Variants in SV2C observed in about 807,000 individuals in gnomAD.
SV2C encodes solute carrier family 22 member B3.
Under a neutral mutation model 79.7 loss-of-function variants are expected in SV2C, and 49 were observed. The observed-to-expected ratio is 0.61, with a 90% CI of 0.49 to 0.78. The LOEUF (loss-of-function observed/expected upper bound fraction) is 0.78, where lower values mean the gene tolerates loss of function less well. SV2C is among the 30% of genes least tolerant of loss of function. SV2C has a pLI of 0.00. For missense variants in SV2C, 833 were observed against 912.9 expected, an observed-to-expected ratio of 0.91 and a Z score of 1.13; for synonymous variants, 334 against 333.2, an observed-to-expected ratio of 1.00 and a Z score of -0.03.
At position 76,291,327 on chromosome 5, in the gene SV2C, A is replaced by G; in HGVS notation, c.1244A>G (p.Tyr415Cys). Reference protein sequence around the residue: ...RCFVRIRTELYGIWLTFMRCF... With the variant: ...RCFVRIRTELCGIWLTFMRCF... ...TTTGTTCGGATCCGCACCGAGCTGT[A>G]CGGAGTAAGTAACAAGTCCCATGAT... Residue 415 changes from tyrosine to cysteine, a missense_variant, in exon 7 of 13, where the codon TAC becomes TGC. Physicochemically the swap from Tyr to Cys is radical, Grantham distance 194. Transcript: ENST00000502798. 1.3e-6 allele frequency: 2 copies of G among 1,596,048 alleles called. No homozygotes were observed. Among genetic ancestry groups the G allele is most frequent in the Non-Finnish European group, 1.7e-6 (2 of 1,173,386 alleles).
chr5:75,863,704 A>G, the SV2C span, among the ~76,000 whole-genome samples: 5 of 152,170 alleles, frequency 3.3e-5, no homozygotes. Flanking sequence ...GCTTTGTGAC[A>G]TTAATTGCCT....
At chr5:76,179,955 ACTT>A (rs1418139023) in intron 2 of SV2C, among the ~76,000 whole-genome samples, 4 of 151,572 alleles carry the variant, frequency 2.6e-5, no homozygotes, top group African/African-American at 7.3e-5. Context: ...CAGAAAAAAA[ACTT>A]ACAGATAATT....
In SV2C at chr5:76,105,670, A is replaced by T. The variant is rs374256694; in HGVS notation, c.-102+22158A>T. On this transcript the variant is annotated intron_variant, in intron 1 of 12. Coordinates refer to ENST00000502798, the MANE Select transcript of SV2C (RefSeq NM_014979.4). ...TTTTTGTGACCTTGCTAACAACTTC[A>T]TACTTAATAATTATTTACATTAAAT... 1.4e-4 allele frequency among the ~76,000 whole-genome samples: 22 copies of T among 152,272 alleles called. No individual in the cohort carries two copies. In the East Asian group the frequency reaches 3.5e-3, roughly 24 times the overall value.
At chr5:75,911,434 A>G in the SV2C span, 1 of 998,680 alleles carries the variant, frequency 1.0e-6, no homozygotes, top group Non-Finnish European at 1.5e-6. Flanking sequence ...TCCTCCACCC[A>G]GAGCCACTCC....
At chr5:75,988,134 C>T in the SV2C span, among the ~76,000 whole-genome samples, 1 of 151,972 alleles carries the variant, frequency 6.6e-6, no homozygotes, top group Non-Finnish European at 1.5e-5. Context: ...CACACACACA[C>T]ATATACATTT....
the SV2C span, among the ~76,000 whole-genome samples, chr5:75,969,475 G>A: frequency 2.6e-5 from 4 of 152,142 alleles, no homozygotes; most frequent in African/African-American, 9.7e-5. Flanking sequence ...AGGGATGGAG[G>A]AAGATCTACC....
chr5:76,199,525 T>C (rs913238971), intron 3 of SV2C, among the ~76,000 whole-genome samples: 4 of 152,178 alleles, frequency 2.6e-5, no homozygotes, highest in Non-Finnish European at 4.4e-5. Context: ...CACTTACAAC[T>C]GATGCCTGAA....
the SV2C span, among the ~76,000 whole-genome samples, chr5:75,944,694 A>G: frequency 2.0e-4 from 31 of 152,302 alleles, no homozygotes; most frequent in Admixed American, 5.2e-4. Context: ...GCAAGTGCTG[A>G]CAGAAGAACT....
At chr5:75,953,828 A>T in the SV2C span, among the ~76,000 whole-genome samples, 1 of 151,884 alleles carries the variant, frequency 6.6e-6, no homozygotes, top group Non-Finnish European at 1.5e-5. Flanking sequence ...TGTCTACAAA[A>T]TGTACCTTTT....
At chr5:76,153,442 G>A (rs1208603720) in intron 2 of SV2C, among the ~76,000 whole-genome samples, 1 of 152,124 alleles carries the variant, frequency 6.6e-6, no homozygotes, top group Admixed American at 6.5e-5. Context: ...TTGGTGCTTG[G>A]TTGTCTGTGT....
intron 4 of SV2C, among the ~76,000 whole-genome samples, chr5:76,275,441 C>T (rs1007058523): frequency 6.6e-6 from 1 of 151,028 alleles, no homozygotes; most frequent in Non-Finnish European, 1.5e-5. Context: ...GAGCCAAGAT[C>T]GTGCCACTGC....
the SV2C span, among the ~76,000 whole-genome samples, chr5:76,009,030 G>A: frequency 6.6e-6 from 1 of 152,034 alleles, no homozygotes. Context: ...TTACTCAAAT[G>A]TTGCCTGCTC....
chr5:76,338,144 A>T (rs925736123), downstream of SV2C, among the ~76,000 whole-genome samples: 17 of 152,222 alleles, frequency 1.1e-4, no homozygotes, highest in Non-Finnish European at 2.4e-4. Flanking sequence ...ACAAAAGGAG[A>T]CACATTCTTG....
intron 3 of SV2C, among the ~76,000 whole-genome samples, chr5:76,208,951 AT>A (rs1744689246): frequency 6.6e-6 from 1 of 152,136 alleles, no homozygotes. Context: ...CACTATTTTG[AT>A]TCCATAAACC....
chr5:76,039,222 G>T, the SV2C span, among the ~76,000 whole-genome samples: 1 of 152,170 alleles, frequency 6.6e-6, no homozygotes, highest in African/African-American at 2.4e-5. Flanking sequence ...AGGACCAACT[G>T]TTGCCCGTGA....
chr5:76,094,682 G>C (rs1747490593), intron 1 of SV2C, among the ~76,000 whole-genome samples: 1 of 152,070 alleles, frequency 6.6e-6, no homozygotes, highest in Non-Finnish European at 1.5e-5. Context: ...TGGGGATCAA[G>C]AAGTGAATAT....
In SV2C at chr5:76,293,164, AG is replaced by A. The variant is rs532155929; in HGVS notation, c.1337+1309del. On this transcript the variant is annotated intron_variant, in intron 8 of 12. Coordinates refer to ENST00000502798, the MANE Select transcript of SV2C (RefSeq NM_014979.4). ...ATTTCTAAATTAAGAGGGTTGACTT[AG>A]AATATGTAAAGTAATTCCCACCCAA... is the stretch of plus-strand genomic sequence containing the variant. 2.4e-3 allele frequency among the ~76,000 whole-genome samples: 364 copies of A among 152,318 alleles called. 3 individuals are homozygous for A. Among genetic ancestry groups the A allele is most frequent in the African/African-American group, 8.3e-3 (347 of 41,572 alleles).
At position 76,285,835 on chromosome 5, in the gene SV2C, A is replaced by G; in HGVS notation, c.1102A>G (p.Met368Val). 2.5e-6 allele frequency: 4 copies of G among 1,614,164 alleles called. No homozygotes were observed. Among genetic ancestry groups the G allele is most frequent in the Non-Finnish European group, 3.4e-6 (4 of 1,180,004 alleles). Residue 368 changes from methionine to valine, a missense_variant, in exon 6 of 13, where the codon ATG (methionine) becomes GTG (valine). Met to Val is a conservative substitution (Grantham distance 21, BLOSUM62 1). Transcript: ENST00000502798. ...TCTGAAGTTAATTCATGACACCAAC[A>G]TGAGAGCCCGGGGTCAGCCTGAGAA... ...MILKLIHDTN[M>V]RARGQPEKVF...
chr5:76,256,695 T>C (rs990610640), intron 4 of SV2C, among the ~76,000 whole-genome samples: 1 of 152,222 alleles, frequency 6.6e-6, no homozygotes, highest in African/African-American at 2.4e-5. Context: ...GAGAGCAGTT[T>C]CCAGGGAAAT....
Sources: gnomAD v4.1 joint callset for allele counts (sites outside exome capture counted in the v4.1 genomes callset) on GRCh38, gnomAD v4.1.1 for gene constraint, MANE v1.5 for transcripts, NCBI Gene and HGNC (gene_info 2026-07-23, HGNC 2026-07-21) for gene names.